FAM20A: variants seen among roughly 807,000 people sequenced by gnomAD.
The protein encoded by FAM20A is FAM20A golgi associated secretory pathway pseudokinase, also known as pseudokinase FAM20A.
A neutral mutation model predicts 52.0 loss-of-function variants in FAM20A; 42 were observed. The ratio of observed to expected loss-of-function variants is 0.81; its 90% CI spans 0.63 to 1.04. The LOEUF is 1.04. FAM20A is among the 50% of genes least tolerant of loss of function. The pLI is 0.00. For missense variants in FAM20A, 742 were observed against 712.7 expected (o/e 1.04, Z -0.47); for synonymous variants, 304 against 298.9 (o/e 1.02, Z -0.18).
chr17:68,552,928 G>A (rs1361502932), intron 3 of FAM20A, among the ~76,000 whole-genome samples: 2 of 107,148 alleles, frequency 1.9e-5, no homozygotes, highest in African/African-American at 3.3e-5. Context: ...TGATCCACCC[G>A]CCTCGGCCTC....
intron 4 of FAM20A, chr17:68,550,937 T>C: frequency 1.8e-6 from 1 of 568,796 alleles, no homozygotes; most frequent in Non-Finnish European, 2.6e-6. Context: ...TAGAACCATC[T>C]ACTGGGGCTC....
chr17:68,555,538 G>C (rs377749461), intron 2 of FAM20A, 21 bp downstream of exon 2: 1 of 1,612,046 alleles, frequency 6.2e-7, no homozygotes, highest in South Asian at 1.1e-5. Context: ...GTCCCCCCTT[G>C]CTTGATCCCA....
chr17:68,548,539 A>C (rs1206058595), intron 4 of FAM20A, among the ~76,000 whole-genome samples: 1 of 151,840 alleles, frequency 6.6e-6, no homozygotes, highest in East Asian at 1.9e-4. Context: ...CAAAAAAAAA[A>C]AGTTTGAAAT....
At chr17:68,543,776 GAA>G (rs2086420011) in intron 4 of FAM20A, 55 bp from the exon 5 acceptor site, 2 of 1,457,240 alleles carry the variant, frequency 1.4e-6, no homozygotes, top group African/African-American at 1.4e-5. Context: ...GGGAGCCTGA[GAA>G]GAGAGCTGAT....
At chr17:68,543,108 C>G (rs897613450) in intron 5 of FAM20A, among the ~76,000 whole-genome samples, 2 of 152,126 alleles carry the variant, frequency 1.3e-5, no homozygotes, top group African/African-American at 4.8e-5. Context: ...TTTAATGTTC[C>G]TGTGAGTCAC....
chr17:68,579,146 G>C (rs2087870092), intron 1 of FAM20A, among the ~76,000 whole-genome samples: 3 of 152,298 alleles, frequency 2.0e-5, no homozygotes, highest in Non-Finnish European at 2.9e-5. Context: ...GGTTAGGAAA[G>C]GAGAGTTGAC....
rs1002086090 is a variant in FAM20A at position 68,536,818 on chromosome 17, C to T, written c.*659G>A. ...TTGATGTTATTTCAATTGTAATACT[C>T]TTCAAATTGGAACACTCCTTTTCTG... is the stretch of plus-strand genomic sequence containing the variant. On this transcript the variant is annotated 3_prime_UTR_variant, in exon 11 of 11. Transcript: ENST00000592554. 2 of 453,918 alleles carry T rather than the reference C, an allele frequency of 4.4e-6. No individual in the cohort carries two copies. The highest frequency in any genetic ancestry group is 6.9e-5 in the East Asian group (1 of 14,408). The allele number at this position is 453,918 out of a possible 1,614,324, so 28.1% of individuals were successfully genotyped here. A position where few individuals can be genotyped will look rare whatever the true frequency, so the allele number is the denominator to read the frequency against.
Position 68,535,399 on chromosome 17 carries a change from G to C in FAM20A, c.*2078C>G, listed in dbSNP as rs1356402981. The stretch of plus-strand genomic sequence containing the variant: ...AAACCAGTCCTTCGTTATAGGAGGT[G>C]GCGGGTTTTGAGGTAGAGCTGTAGC... On this transcript the variant is annotated 3_prime_UTR_variant, in exon 11 of 11. Coordinates refer to ENST00000592554, the MANE Select transcript of FAM20A (RefSeq NM_017565.4). The C allele has an allele frequency of 6.6e-6, 3 of 454,118 alleles. No homozygotes were observed. In the Admixed American group the frequency reaches 7.0e-5, roughly 11 times the overall value. 28.1% of individuals were successfully genotyped at this position (454,118 alleles called of 1,614,324 possible).
At position 68,600,534 on chromosome 17, in the gene FAM20A, G is replaced by T; in HGVS notation, c.133C>A (p.Pro45Thr). ...AGGGAGGAGGCGCGGCCGGTGCACG[G>T]GCACCCCCGCGGGCGCTCCCGAGGC... ...LRPRERPRGC[P>T]CTGRASSLAR... The change falls in exon 1 of 11, where the codon CCG becomes ACG. Residue 45 changes from proline to threonine, a missense_variant. Transcript: ENST00000592554. The surrounding 1 kb of genome is among the most constrained non-coding windows in gnomAD (Gnocchi z 6.2). The T allele has an allele frequency of 1.3e-6, 2 of 1,563,946 alleles. No individual in the cohort carries two copies. Among genetic ancestry groups the T allele is most frequent in the Non-Finnish European group, 1.7e-6 (2 of 1,154,982 alleles).
intron 4 of FAM20A, among the ~76,000 whole-genome samples, chr17:68,547,864 CA>C (rs1157058181): frequency 6.6e-6 from 1 of 152,224 alleles, no homozygotes; most frequent in Non-Finnish European, 1.5e-5. Flanking sequence ...CTGACTGGCA[CA>C]AAAAGCTTAG....
Position 68,542,785 on chromosome 17 carries a change from C to T in FAM20A, c.837G>A (p.Pro279=), listed in dbSNP as rs879372417. ...CATTTACTATCCTCCCCACTGTTGG[C>T]GGCACCCGTCGGAAGTCCAGAATCC... ...LDRILDFRRV[P]PTVGRIVNVT... is the part of the protein sequence containing the mutation. The change falls in exon 6 of 11, where the codon CCG becomes CCA. Residue 279 remains proline (P), a synonymous_variant. Transcript: ENST00000592554. The T allele has an allele frequency of 2.1e-5, 34 of 1,613,858 alleles. No homozygotes were observed. The highest frequency in any genetic ancestry group is 5.5e-5 in the South Asian group (5 of 91,088).
intron 7 of FAM20A, 101 bp downstream of exon 7, chr17:68,541,884 G>A: frequency 7.2e-7 from 1 of 1,385,376 alleles, no homozygotes; most frequent in South Asian, 1.4e-5. Context: ...GAGTATTGAG[G>A]CAGCTTTTCA....
In FAM20A at chr17:68,535,472, A is replaced by G. The variant is rs9911549; in HGVS notation, c.*2005T>C. ...TGGAAGTCCCAAACCATTTTGTGCT[A>G]TTCTTTGAATGTTTTTACCCAGATA... On this transcript the variant is annotated 3_prime_UTR_variant, in exon 11 of 11. Coordinates refer to ENST00000592554, the MANE Select transcript of FAM20A (RefSeq NM_017565.4). The G allele has an allele frequency of 7.9e-3, 3,607 of 453,992 alleles. 114 individuals are homozygous for G. The highest frequency in any genetic ancestry group is 0.065 in the African/African-American group (3,246 of 50,064). 28.1% of individuals were successfully genotyped at this position (453,992 alleles called of 1,614,324 possible). A position where few individuals can be genotyped will look rare whatever the true frequency, so the allele number is the denominator to read the frequency against.
intron 1 of FAM20A, among the ~76,000 whole-genome samples, chr17:68,581,355 T>TTTCTTTCTTTCTTTCTTTC (rs1491302496): frequency 2.3e-5 from 2 of 87,442 alleles, no homozygotes; most frequent in African/African-American, 8.7e-5. Flanking sequence ...GCAGTTTTTC[T>TTTCTTTCTTTCTTTCTTTC]TTCTTTCTTT....
At chr17:68,564,502 G>A (rs755492164) in intron 1 of FAM20A, among the ~76,000 whole-genome samples, 1 of 152,178 alleles carries the variant, frequency 6.6e-6, no homozygotes, top group Non-Finnish European at 1.5e-5. Context: ...CAAGGGAATG[G>A]CATGTATGTC....
At position 68,567,752 on chromosome 17, in the gene FAM20A, C is replaced by T. The variant is rs146457800; in HGVS notation, c.405-12009G>A. Among the ~76,000 whole-genome samples the T allele has an allele frequency of 2.3e-3, 347 of 152,112 alleles. 14 individuals carry two copies. The East Asian group carries it at 0.062, about 27-fold the overall frequency. On this transcript the variant is annotated intron_variant, in intron 1 of 10. Coordinates refer to ENST00000592554, the MANE Select transcript of FAM20A (RefSeq NM_017565.4). The stretch of plus-strand genomic sequence containing the variant: ...ATCTCATCTCGAATTGTAATCCCCA[C>T]GTGTCAACGAAGGGACCAGGTCAAG...
chr17:68,600,885 G>A lies in FAM20A; in HGVS notation c.-219C>T, dbSNP rs2088606690. On this transcript the variant is annotated 5_prime_UTR_variant, in exon 1 of 11. Transcript: ENST00000592554. The surrounding 1 kb of genome is among the most constrained non-coding windows in gnomAD (Gnocchi z 6.2). ...GAGCACCGGGGCTCTCGGAGTCAGCGGGCGTCGCTTCTCCGCGCCGAGTGA... is the reference window on the plus strand; with the variant it reads ...GAGCACCGGGGCTCTCGGAGTCAGCAGGCGTCGCTTCTCCGCGCCGAGTGA... 3.9e-6 allele frequency: 2 copies of A among 510,512 alleles called. No homozygotes were observed. The highest frequency in any genetic ancestry group is 3.4e-5 in the East Asian group (1 of 29,364). The allele number at this position is 510,512 out of a possible 1,614,324, so 31.6% of individuals were successfully genotyped here. A position where few individuals can be genotyped will look rare whatever the true frequency, so the allele number is the denominator to read the frequency against.
chr17:68,559,522 A>G (rs1237808268), intron 1 of FAM20A, among the ~76,000 whole-genome samples: 1 of 152,246 alleles, frequency 6.6e-6, no homozygotes, highest in African/African-American at 2.4e-5. Flanking sequence ...TCTTCAGGGG[A>G]GAAGTAGAAA....
At position 68,541,951 on chromosome 17, in the gene FAM20A, AG is replaced by A. The variant is rs759235513; in HGVS notation, c.1109+33del. Reference sequence around the variant, plus strand: ...GGTACAGGGTCTGTGGCTACTGTCAAGGACTGGGCTGTGTGGCCTGGGGACC... The same window carrying A: ...GGTACAGGGTCTGTGGCTACTGTCAAGACTGGGCTGTGTGGCCTGGGGACC... On this transcript the variant is annotated intron_variant, in intron 7 of 10. Coordinates refer to ENST00000592554, the MANE Select transcript of FAM20A (RefSeq NM_017565.4). 6 of 1,601,158 alleles carry A rather than the reference AG, an allele frequency of 3.7e-6. No homozygotes were observed. In the South Asian group the frequency reaches 5.6e-5, roughly 15 times the overall value.
Sources: gnomAD v4.1 joint callset for allele counts (sites outside exome capture counted in the v4.1 genomes callset) on GRCh38, gnomAD v4.1.1 for gene constraint, Gnocchi (gnomAD v3.1) non-coding constraint, MANE v1.5 for transcripts, NCBI Gene and HGNC (gene_info 2026-07-23, HGNC 2026-07-21) for gene names.